AGAP1: variants seen among roughly 807,000 people sequenced by gnomAD.
AGAP1 encodes arf-GAP with GTPase, ANK repeat and PH domain-containing protein 1.
AGAP1 carries 29 observed loss-of-function variants against 105.3 expected under a neutral mutation model. The observed-to-expected ratio is 0.28, with a 90% CI of 0.21 to 0.38. The LOEUF (loss-of-function observed/expected upper bound fraction) is 0.38, where lower values mean the gene tolerates loss of function less well. Among genes scored for constraint, AGAP1 ranks in the 10% least tolerant of loss-of-function variants. AGAP1 has a pLI of 1.00. For missense variants in AGAP1, 998 were observed against 1,165.1 expected, an observed-to-expected ratio of 0.86 and a Z score of 2.09; for synonymous variants, 509 against 485.9, an observed-to-expected ratio of 1.05 and a Z score of -0.63.
chr2:235,770,125 C>CTTTCTT (rs1422432562), intron 6 of AGAP1, among the ~76,000 whole-genome samples: 1 of 110,584 alleles, frequency 9.0e-6, no homozygotes, highest in East Asian at 3.1e-4. Flanking sequence ...TTTTTTCTTT[C>CTTTCTT]TTTGTTTCTT....
intron 12 of AGAP1, among the ~76,000 whole-genome samples, chr2:235,935,485 G>A (rs1306239436): frequency 6.6e-5 from 10 of 152,142 alleles, no homozygotes; most frequent in Admixed American, 6.5e-4. Flanking sequence ...AAAACTGGTG[G>A]CTGTAAATTC....
rs552616783 is a variant in AGAP1 at position 236,005,249 on chromosome 2, G to A, written c.1646-31312G>A. 2.0e-5 allele frequency among the ~76,000 whole-genome samples: 3 copies of A among 152,172 alleles called. No homozygotes were observed. Among genetic ancestry groups the A allele is most frequent in the African/African-American group, 7.2e-5 (3 of 41,512 alleles). On this transcript the variant is annotated intron_variant, in intron 13 of 17. Coordinates refer to ENST00000304032, the MANE Select transcript of AGAP1 (RefSeq NM_001037131.3). The surrounding 1 kb of genome is among the most constrained non-coding windows in gnomAD (Gnocchi z 4.1). Reference sequence around the variant, plus strand: ...CAACCTCCGCCTCCCAGACTCAAGCGATTCTTGCCCCTCAGCCTCCCAAAT... The same window carrying A: ...CAACCTCCGCCTCCCAGACTCAAGCAATTCTTGCCCCTCAGCCTCCCAAAT...
In AGAP1 at chr2:235,577,521, G is replaced by A. The variant is rs780743348; in HGVS notation, c.163+82672G>A. On this transcript the variant is annotated intron_variant, in intron 1 of 17. Transcript: ENST00000304032. The surrounding 1 kb of genome is among the most constrained non-coding windows in gnomAD (Gnocchi z 4.5). ...GTCCTGTGTTTGTTTGGAAATGATCGGAAGCTCCTGTGTCCCTGGTCGCTT... is the reference window on the plus strand; with the variant it reads ...GTCCTGTGTTTGTTTGGAAATGATCAGAAGCTCCTGTGTCCCTGGTCGCTT... Among the ~76,000 whole-genome samples the A allele has an allele frequency of 1.3e-5, 2 of 152,082 alleles. No homozygotes were observed. The highest frequency in any genetic ancestry group is 2.9e-5 in the Non-Finnish European group (2 of 68,026).
intron 6 of AGAP1, among the ~76,000 whole-genome samples, chr2:235,781,492 G>T (rs759128005): frequency 6.6e-6 from 1 of 152,202 alleles, no homozygotes; most frequent in Non-Finnish European, 1.5e-5. Flanking sequence ...TGCCTTTTCT[G>T]TGCTGAATTA....
intron 16 of AGAP1, among the ~76,000 whole-genome samples, chr2:236,108,306 C>T (rs1194777653): frequency 4.6e-5 from 7 of 152,210 alleles, no homozygotes; most frequent in Non-Finnish European, 1.0e-4. Context: ...CTCCCAGTTC[C>T]TGTTTTGCTT....
rs1401547425 is a variant in AGAP1 at position 235,792,061 on chromosome 2, T to C, written c.674-5698T>C. ...TTTATTGGAGGTGTGGTTCGTACTT[T>C]ATAATCCCTACCTAACAGTGCTTAC... On this transcript the variant is annotated intron_variant, in intron 6 of 17. Coordinates refer to ENST00000304032, the MANE Select transcript of AGAP1 (RefSeq NM_001037131.3). The surrounding 1 kb of genome is among the most constrained non-coding windows in gnomAD (Gnocchi z 5.3). Among the ~76,000 whole-genome samples, 1 of 152,198 alleles carries C rather than the reference T, an allele frequency of 6.6e-6. No homozygotes were observed. The highest frequency in any genetic ancestry group is 2.4e-5 in the African/African-American group (1 of 41,444).
chr2:235,966,826 G>A (rs549274810), intron 12 of AGAP1, among the ~76,000 whole-genome samples: 10 of 152,272 alleles, frequency 6.6e-5, no homozygotes, highest in African/African-American at 2.4e-4. Context: ...TGCAGAGAGG[G>A]GCGAGGGGTC....
intron 9 of AGAP1, among the ~76,000 whole-genome samples, chr2:235,868,498 T>C (rs540742550): frequency 2.0e-5 from 3 of 152,302 alleles, no homozygotes; most frequent in Non-Finnish European, 2.9e-5. Context: ...GTTGAGACTG[T>C]TGCTCCATCA....
chr2:235,859,901 G>C (rs899021344), intron 9 of AGAP1, among the ~76,000 whole-genome samples: 1 of 152,170 alleles, frequency 6.6e-6, no homozygotes, highest in East Asian at 1.9e-4. Flanking sequence ...TTGGCTGTGC[G>C]CAGCGCCTTC....
Position 235,747,272 on chromosome 2 carries a change from C to A in AGAP1, c.538+2433C>A, listed in dbSNP as rs1054233399. Among the ~76,000 whole-genome samples the A allele has an allele frequency of 5.9e-5, 9 of 152,230 alleles. 1 individual carries two copies. Among genetic ancestry groups the A allele is most frequent in the Admixed American group, 1.3e-4 (2 of 15,292 alleles). On this transcript the variant is annotated intron_variant, in intron 5 of 17. Coordinates refer to ENST00000304032, the MANE Select transcript of AGAP1 (RefSeq NM_001037131.3). The surrounding 1 kb of genome is among the most constrained non-coding windows in gnomAD (Gnocchi z 5.0). Reference sequence around the variant, plus strand: ...TGGCTGCTTAGATTCTCGAGAAACCCTGATGAAGTTGAAGTCCTTGAGTAA... The same window carrying A: ...TGGCTGCTTAGATTCTCGAGAAACCATGATGAAGTTGAAGTCCTTGAGTAA...
rs1456489795 is a variant in AGAP1 at position 235,623,671 on chromosome 2, T to A, written c.164-85508T>A. On this transcript the variant is annotated intron_variant, in intron 1 of 17. Transcript: ENST00000304032. This position sits in a 1 kb window ranked among gnomAD's most constrained non-coding sequence, Gnocchi z 4.5. The stretch of plus-strand genomic sequence containing the variant: ...CTGTGATGCAGTTGCCATATATTTT[T>A]TGACTTTTGGATCTTCACTCCTCCC... 6.6e-6 allele frequency among the ~76,000 whole-genome samples: 1 copy of A among 152,196 alleles called. No individual in the cohort carries two copies. Among genetic ancestry groups the A allele is most frequent in the East Asian group, 1.9e-4 (1 of 5,198 alleles).
rs536129897 is a variant in AGAP1 at position 235,712,148 on chromosome 2, A to G, written c.222+2911A>G. ...AGTGATTCTCGTGCCTCAGCCTCCC[A>G]AGTAGCTGGGATGACAGGCACCCAC... On this transcript the variant is annotated intron_variant, in intron 2 of 17. Transcript: ENST00000304032. This position sits in a 1 kb window ranked among gnomAD's most constrained non-coding sequence, Gnocchi z 6.0. 1.5e-3 allele frequency among the ~76,000 whole-genome samples: 225 copies of G among 151,892 alleles called. 1 individual carries two copies. Among genetic ancestry groups the G allele is most frequent in the African/African-American group, 4.8e-3 (198 of 41,434 alleles).
At chr2:235,524,300 T>A in intron 1 of AGAP1, 2 of 168,184 alleles carry the variant, frequency 1.2e-5, no homozygotes. Context: ...GTGGCCCAGA[T>A]GTAACTTTTA....
intron 1 of AGAP1, among the ~76,000 whole-genome samples, chr2:235,673,540 AT>A (rs1388161165): frequency 6.6e-6 from 1 of 152,216 alleles, no homozygotes; most frequent in African/African-American, 2.4e-5. Flanking sequence ...AGCCTGAAAT[AT>A]CCATACTCAG....
Position 236,078,037 on chromosome 2 carries a change from T to TTG in AGAP1, c.2114+28792_2114+28793dup, listed in dbSNP as rs9287595. Among the ~76,000 whole-genome samples, 49,779 of 140,254 alleles carry TTG rather than the reference T, an allele frequency of 0.35. 9,625 individuals carry two copies. The highest frequency in any genetic ancestry group is 0.45 in the Non-Finnish European group (29,458 of 64,790). The allele number at this position is 140,254 out of a possible 152,430, so 92.0% of individuals were successfully genotyped here. A position where few individuals can be genotyped will look rare whatever the true frequency, so the allele number is the denominator to read the frequency against. On this transcript the variant is annotated intron_variant, in intron 16 of 17. Coordinates refer to ENST00000304032, the MANE Select transcript of AGAP1 (RefSeq NM_001037131.3). The surrounding 1 kb of genome is among the most constrained non-coding windows in gnomAD (Gnocchi z 5.3). The stretch of plus-strand genomic sequence containing the variant: ...AGGGTTCTCCAGAGAAACAACCAAT[T>TTG]TGTGTGTGTGTGTGTGTGTGTGTGT...
intron 1 of AGAP1, among the ~76,000 whole-genome samples, chr2:235,584,560 G>C (rs779250233): frequency 1.3e-5 from 2 of 151,288 alleles, no homozygotes; most frequent in Admixed American, 1.3e-4. Context: ...GCCATGTCAC[G>C]ATGGAGGCAA....
intron 13 of AGAP1, among the ~76,000 whole-genome samples, chr2:235,996,658 G>A (rs897674247): frequency 6.6e-6 from 1 of 152,238 alleles, no homozygotes; most frequent in Non-Finnish European, 1.5e-5. Flanking sequence ...GGAGTAAGGA[G>A]AGAGGCTGGA....
intron 9 of AGAP1, among the ~76,000 whole-genome samples, chr2:235,860,249 A>G (rs1394576570): frequency 1.3e-5 from 2 of 152,196 alleles, no homozygotes; most frequent in African/African-American, 2.4e-5. Context: ...GCATCCTAGC[A>G]CTCAAGGCAA....
rs1246367672 is a variant in AGAP1, at chr2:235,901,810, CAG to C, written c.1156-6926_1156-6925del. Reference sequence around the variant, plus strand: ...AGTAGAATCACTTGAACCCAGGAGACAGAAATTGCAGTGAGCCGAGATCACAC... The same window carrying C: ...AGTAGAATCACTTGAACCCAGGAGACAAATTGCAGTGAGCCGAGATCACAC... On this transcript the variant is annotated intron_variant, in intron 10 of 17. Transcript: ENST00000304032. This position sits in a 1 kb window ranked among gnomAD's most constrained non-coding sequence, Gnocchi z 4.3. Among the ~76,000 whole-genome samples the C allele has an allele frequency of 6.8e-6, 1 of 147,604 alleles. No homozygotes were observed. The highest frequency in any genetic ancestry group is 2.0e-4 in the East Asian group (1 of 4,984).
Sources: allele counts gnomAD v4.1 joint callset (sites outside exome capture counted in the v4.1 genomes callset), GRCh38; gene constraint gnomAD v4.1.1; non-coding constraint Gnocchi (gnomAD v3.1); transcripts MANE v1.5; gene names NCBI Gene and HGNC (gene_info 2026-07-23, HGNC 2026-07-21).